Variants in SCAND3 observed in about 807,000 individuals in gnomAD.
SCAND3 encodes the protein SCAN domain-containing protein 3.
the SCAND3 span, chr6:28,597,979 C>T: frequency 6.6e-6 from 1 of 152,142 alleles, no homozygotes; most frequent in African/African-American, 2.4e-5. Flanking sequence ...CTGAGATATG[C>T]AGCAATGGGT....
the SCAND3 span, among the ~76,000 whole-genome samples, chr6:28,607,519 G>GTTTTTTTTT: frequency 2.0e-5 from 3 of 149,314 alleles, no homozygotes; most frequent in Non-Finnish European, 3.0e-5. Flanking sequence ...TTTATTCACT[G>GTTTTTTTTT]TTTTTTTTTT....
At chr6:28,576,613 C>T in the SCAND3 span, among the ~76,000 whole-genome samples, 5 of 151,942 alleles carry the variant, frequency 3.3e-5, no homozygotes, top group East Asian at 9.7e-4. Flanking sequence ...GAATGAAGAG[C>T]GTAAATGAAA....
the SCAND3 span, chr6:28,579,285 T>G: frequency 6.2e-7 from 1 of 1,613,142 alleles, no homozygotes; most frequent in Non-Finnish European, 8.5e-7. This position sits in a 1 kb window ranked among gnomAD's most constrained non-coding sequence, Gnocchi z 4.5. Flanking sequence ...TATCTTGAAG[T>G]GGGTGTGGCT....
At chr6:28,576,407 G>A in the SCAND3 span, among the ~76,000 whole-genome samples, 1 of 152,024 alleles carries the variant, frequency 6.6e-6, no homozygotes, top group African/African-American at 2.4e-5. Context: ...CTACAGGTGC[G>A]CACCATGACA....
chr6:28,611,706 A>G, the SCAND3 span, among the ~76,000 whole-genome samples: 1 of 152,236 alleles, frequency 6.6e-6, no homozygotes, highest in African/African-American at 2.4e-5. Flanking sequence ...CCATTCCCAA[A>G]TACAACCACT....
At chr6:28,582,567 G>A in the SCAND3 span, among the ~76,000 whole-genome samples, 33 of 152,136 alleles carry the variant, frequency 2.2e-4, no homozygotes, top group African/African-American at 7.5e-4. This position sits in a 1 kb window ranked among gnomAD's most constrained non-coding sequence, Gnocchi z 4.8. Flanking sequence ...GGGAAAATAC[G>A]GTTAAAGGGT....
At chr6:28,586,241 CATTCTGGATCCATGCACCCAA>C in the SCAND3 span, 1 of 1,432,626 alleles carries the variant, frequency 7.0e-7, no homozygotes, top group Non-Finnish European at 9.5e-7. The surrounding 1 kb of genome is among the most constrained non-coding windows in gnomAD (Gnocchi z 4.4). Context: ...CCCATTACTC[CATTCTGGATCCATGCACCCAA>C]ATTCTCCACA....
the SCAND3 span, among the ~76,000 whole-genome samples, chr6:28,605,678 CAAAAAA>C: frequency 3.3e-5 from 4 of 119,682 alleles, no homozygotes; most frequent in Admixed American, 9.0e-5. Context: ...CTAAAAAATA[CAAAAAA>C]AAAAAAAAAA....
At chr6:28,575,966 C>G in the SCAND3 span, 49 of 1,613,456 alleles carry the variant, frequency 3.0e-5, no homozygotes, top group Middle Eastern at 1.6e-4. The surrounding 1 kb of genome is among the most constrained non-coding windows in gnomAD (Gnocchi z 4.2). Context: ...CAGTACTTTG[C>G]TTTAGAAAAT....
the SCAND3 span, among the ~76,000 whole-genome samples, chr6:28,610,218 T>C: frequency 2.0e-5 from 3 of 151,962 alleles, no homozygotes; most frequent in South Asian, 2.1e-4. Context: ...ATGTGCATTA[T>C]AGTAAATTAA....
chr6:28,600,742 C>T, the SCAND3 span, among the ~76,000 whole-genome samples: 1 of 151,964 alleles, frequency 6.6e-6, no homozygotes, highest in Non-Finnish European at 1.5e-5. Context: ...AAATTTTTTG[C>T]ATAACTGGAA....
At chr6:28,598,418 T>C in the SCAND3 span, among the ~76,000 whole-genome samples, 5 of 152,228 alleles carry the variant, frequency 3.3e-5, no homozygotes, top group East Asian at 9.6e-4. Context: ...TCTTTACTTC[T>C]CTTTAGGCAG....
the SCAND3 span, among the ~76,000 whole-genome samples, chr6:28,598,310 T>C: frequency 6.6e-6 from 1 of 152,248 alleles, no homozygotes; most frequent in Non-Finnish European, 1.5e-5. Context: ...TCGGCTTTTC[T>C]ATATTTGGTG....
At chr6:28,579,966 C>G in the SCAND3 span, among the ~76,000 whole-genome samples, 2 of 152,184 alleles carry the variant, frequency 1.3e-5, no homozygotes, top group African/African-American at 4.8e-5. This position sits in a 1 kb window ranked among gnomAD's most constrained non-coding sequence, Gnocchi z 4.5. Context: ...TACACTTACG[C>G]TACATCGAGT....
chr6:28,587,019 A>C, the SCAND3 span: 2 of 381,626 alleles, frequency 5.2e-6, no homozygotes, highest in African/African-American at 4.1e-5. Flanking sequence ...TGCGAGACAG[A>C]AAACCGAGGT....
At chr6:28,584,272 T>C in the SCAND3 span, among the ~76,000 whole-genome samples, 2 of 152,164 alleles carry the variant, frequency 1.3e-5, no homozygotes, top group African/African-American at 4.8e-5. Flanking sequence ...ACTGTGATAT[T>C]TGAGGAAAGC....
At chr6:28,575,660 AG>A in the SCAND3 span, 1 of 1,614,200 alleles carries the variant, frequency 6.2e-7, no homozygotes, top group Non-Finnish European at 8.5e-7. This position sits in a 1 kb window ranked among gnomAD's most constrained non-coding sequence, Gnocchi z 4.2. Context: ...CATGGTTTAC[AG>A]AGGGTCAGAT....
chr6:28,596,309 T>A, the SCAND3 span, among the ~76,000 whole-genome samples: 1 of 152,134 alleles, frequency 6.6e-6, no homozygotes, highest in Non-Finnish European at 1.5e-5. Context: ...CTTTTTGTGA[T>A]GATACAGAAA....
chr6:28,607,236 G>A, the SCAND3 span, among the ~76,000 whole-genome samples: 7 of 152,076 alleles, frequency 4.6e-5, no homozygotes, highest in African/African-American at 1.4e-4. Flanking sequence ...CACCAGTTTT[G>A]GGAGTGCGCA....
Sources: gnomAD v4.1 joint callset for allele counts (sites outside exome capture counted in the v4.1 genomes callset) on GRCh38, gnomAD v4.1.1 for gene constraint, Gnocchi (gnomAD v3.1) non-coding constraint, MANE v1.5 for transcripts, NCBI Gene and HGNC (gene_info 2026-07-23, HGNC 2026-07-21) for gene names.